PDGFD: variants seen among roughly 807,000 people sequenced by gnomAD.
PDGFD encodes the protein platelet-derived growth factor D.
In PDGFD, 30 loss-of-function variants were observed where a neutral mutation model predicts 44.7. The observed-to-expected ratio is 0.67, with a 90% CI of 0.50 to 0.91. The LOEUF (loss-of-function observed/expected upper bound fraction) is 0.91, where lower values mean the gene tolerates loss of function less well. PDGFD is among the 40% of genes least tolerant of loss of function. The pLI is 0.00. For synonymous variants in PDGFD, 173 were observed against 168.4 expected, an observed-to-expected ratio of 1.03 and a Z score of -0.21; for missense variants, 445 against 457.8, an observed-to-expected ratio of 0.97 and a Z score of 0.25.
chr11:104,037,248 C>T (rs995069160), intron 1 of PDGFD: 6 of 1,613,618 alleles, frequency 3.7e-6, no homozygotes, highest in African/African-American at 1.3e-5. Flanking sequence ...GTCTGGGCAG[C>T]CCCGCCCTGA....
chr11:104,149,643 A>T (rs1477849765), intron 1 of PDGFD, among the ~76,000 whole-genome samples: 1 of 152,120 alleles, frequency 6.6e-6, no homozygotes, highest in Non-Finnish European at 1.5e-5. Context: ...CACTTGTATG[A>T]TTATTTTACA....
chr11:103,993,203 G>A (rs1443931342), intron 3 of PDGFD, among the ~76,000 whole-genome samples: 1 of 152,038 alleles, frequency 6.6e-6, no homozygotes, highest in Non-Finnish European at 1.5e-5. Context: ...GAGTAGGTGA[G>A]GTTACAGGCA....
intron 1 of PDGFD, among the ~76,000 whole-genome samples, chr11:104,034,135 T>A (rs1331991537): frequency 6.6e-6 from 1 of 152,118 alleles, no homozygotes. Flanking sequence ...CTCCCCAACA[T>A]CCCTCACCAT....
At chr11:104,095,903 A>G (rs1394718191) in intron 1 of PDGFD, among the ~76,000 whole-genome samples, 1 of 152,200 alleles carries the variant, frequency 6.6e-6, no homozygotes, top group African/African-American at 2.4e-5. Context: ...GGAGATAAAA[A>G]TGTGAGTTAG....
chr11:103,932,185 GT>G (rs1034451404), intron 5 of PDGFD, among the ~76,000 whole-genome samples: 53 of 148,878 alleles, frequency 3.6e-4, no homozygotes, highest in African/African-American at 3.4e-4. Context: ...TTCAACATGA[GT>G]TTTTTTTTTT....
intron 5 of PDGFD, among the ~76,000 whole-genome samples, chr11:103,942,442 T>C (rs989393016): frequency 1.3e-5 from 2 of 152,112 alleles, no homozygotes; most frequent in Non-Finnish European, 2.9e-5. Context: ...CCTGGATATT[T>C]ATTTTTTTAG....
chr11:104,005,365 A>G (rs1859685182), intron 1 of PDGFD, among the ~76,000 whole-genome samples: 1 of 152,206 alleles, frequency 6.6e-6, no homozygotes, highest in East Asian at 1.9e-4. Context: ...TGCTTGAGGC[A>G]ATTTTAGATT....
chr11:104,117,015 C>G (rs1861651717), intron 1 of PDGFD, among the ~76,000 whole-genome samples: 1 of 151,690 alleles, frequency 6.6e-6, no homozygotes, highest in Non-Finnish European at 1.5e-5. Flanking sequence ...TGCAAACGGA[C>G]CAATATAATA....
intron 1 of PDGFD, among the ~76,000 whole-genome samples, chr11:104,101,412 T>C (rs1861377375): frequency 6.6e-6 from 1 of 152,068 alleles, no homozygotes. Flanking sequence ...GAAGGACCTC[T>C]TCAAGGGGAA....
intron 5 of PDGFD, among the ~76,000 whole-genome samples, chr11:103,938,062 T>C (rs1175160245): frequency 2.0e-5 from 3 of 151,696 alleles, no homozygotes; most frequent in Non-Finnish European, 4.4e-5. Context: ...CCTTTGGGTA[T>C]ATACCCAGTA....
intron 1 of PDGFD, among the ~76,000 whole-genome samples, chr11:104,108,180 T>C (rs911564554): frequency 1.3e-5 from 2 of 152,048 alleles, no homozygotes; most frequent in Non-Finnish European, 2.9e-5. Context: ...CCAAAAGCAA[T>C]GGCAACAAAA....
intron 1 of PDGFD, among the ~76,000 whole-genome samples, chr11:104,059,525 G>A (rs1262539771): frequency 6.6e-6 from 1 of 152,006 alleles, no homozygotes; most frequent in Middle Eastern, 3.2e-3. Context: ...TTACAGTATT[G>A]TTATTATTTT....
At chr11:104,126,977 T>G (rs1292845253) in intron 1 of PDGFD, among the ~76,000 whole-genome samples, 1 of 152,038 alleles carries the variant, frequency 6.6e-6, no homozygotes, top group African/African-American at 2.4e-5. Flanking sequence ...TGAAGTTTTT[T>G]GAGGGTAGAA....
intron 1 of PDGFD, among the ~76,000 whole-genome samples, chr11:104,070,986 G>A (rs934403348): frequency 6.6e-6 from 1 of 152,036 alleles, no homozygotes; most frequent in Non-Finnish European, 1.5e-5. Flanking sequence ...TCTATAAGTT[G>A]TACCAATGAA....
intron 1 of PDGFD, among the ~76,000 whole-genome samples, chr11:104,022,386 T>C (rs1001166942): frequency 6.6e-6 from 1 of 152,174 alleles, no homozygotes; most frequent in Non-Finnish European, 1.5e-5. Context: ...TTAATTTACG[T>C]AGACTCTGTG....
chr11:104,147,295 C>T (rs1862177796), intron 1 of PDGFD, among the ~76,000 whole-genome samples: 1 of 152,000 alleles, frequency 6.6e-6, no homozygotes, highest in Non-Finnish European at 1.5e-5. Flanking sequence ...ATAAATTTTG[C>T]AGCAATGAAA....
intron 5 of PDGFD, among the ~76,000 whole-genome samples, chr11:103,937,882 C>A (rs1443332379): frequency 6.6e-6 from 1 of 151,884 alleles, no homozygotes; most frequent in Non-Finnish European, 1.5e-5. Flanking sequence ...AGGACACGAA[C>A]TCATCATTTT....
chr11:103,987,422 A>G (rs747333820), intron 3 of PDGFD, among the ~76,000 whole-genome samples: 3 of 152,044 alleles, frequency 2.0e-5, no homozygotes, highest in African/African-American at 7.3e-5. Context: ...CCTAATTGTG[A>G]CTGTTTATGA....
intron 1 of PDGFD, among the ~76,000 whole-genome samples, chr11:104,040,560 A>T (rs1233680146): frequency 1.3e-5 from 2 of 152,076 alleles, no homozygotes; most frequent in African/African-American, 4.8e-5. Flanking sequence ...CTTGTCTTCT[A>T]CATCAATCAG....
Sources: gnomAD v4.1 joint callset for allele counts (sites outside exome capture counted in the v4.1 genomes callset) on GRCh38, gnomAD v4.1.1 for gene constraint, MANE v1.5 for transcripts, NCBI Gene and HGNC (gene_info 2026-07-23, HGNC 2026-07-21) for gene names.